BUB1: variants seen among roughly 807,000 people sequenced by gnomAD.
The protein encoded by BUB1 is BUB1 mitotic checkpoint serine/threonine kinase.
Under a neutral mutation model 135.2 loss-of-function variants are expected in BUB1, and 84 were observed. The observed-to-expected ratio is 0.62, with a 90% confidence interval of 0.52 to 0.74. The LOEUF is 0.74. Ranked by LOEUF, BUB1 falls within the 30% of genes least tolerant of loss-of-function variation. The pLI, the probability that BUB1 is intolerant of heterozygous loss-of-function variation, is 0.00. For synonymous variants in BUB1, 403 were observed against 434.4 expected (o/e 0.93, Z 0.90); for missense variants, 1,162 against 1,288.3 (o/e 0.90, Z 1.50).
intron 4 of BUB1, among the ~76,000 whole-genome samples, chr2:110,670,955 CAA>C (rs1315112659): frequency 1.3e-5 from 2 of 152,184 alleles, no homozygotes; most frequent in African/African-American, 4.8e-5. Context: ...AGTGAAAGTA[CAA>C]AAGTACTTAG....
At chr2:110,656,150 T>TA (rs1280214608) in intron 15 of BUB1, among the ~76,000 whole-genome samples, 3 of 152,152 alleles carry the variant, frequency 2.0e-5, no homozygotes, top group African/African-American at 7.2e-5. Flanking sequence ...TATATATATA[T>TA]TTTTTAATTT....
Position 110,657,530 on chromosome 2 carries a change from G to C in BUB1, c.1616+16C>G, listed in dbSNP as rs375377141. ...AAACTCGGCAGCATCCCATTAACTAGATGGTATTTTTTTACCCATAATTTT... is the reference window on the plus strand; with the variant it reads ...AAACTCGGCAGCATCCCATTAACTACATGGTATTTTTTTACCCATAATTTT... On this transcript the variant is annotated intron_variant, in intron 14 of 24. Transcript: ENST00000302759. 1.5e-4 allele frequency: 241 copies of C among 1,574,562 alleles called. No homozygotes were observed. The highest frequency in any genetic ancestry group is 2.2e-4 in the Admixed American group (12 of 55,774).
chr2:110,643,495 C>T (rs1249552153), intron 19 of BUB1, among the ~76,000 whole-genome samples: 2 of 152,142 alleles, frequency 1.3e-5, no homozygotes, highest in Non-Finnish European at 2.9e-5. Context: ...AATCCCATTT[C>T]CTTTTAGCTC....
intron 17 of BUB1, 113 bp downstream of exon 17, chr2:110,653,323 G>C: frequency 9.4e-7 from 1 of 1,061,978 alleles, no homozygotes; most frequent in Non-Finnish European, 1.4e-6. Context: ...GGCCTTTAAG[G>C]CTAAAATTAG....
chr2:110,673,609 G>A (rs1223204125), intron 3 of BUB1, among the ~76,000 whole-genome samples: 1 of 151,438 alleles, frequency 6.6e-6, no homozygotes, highest in Admixed American at 6.6e-5. Flanking sequence ...GGAGCGGGGG[G>A]TGGGGACAGA....
intron 16 of BUB1, 51 bp from the exon 17 acceptor site, chr2:110,653,574 A>AT: frequency 1.4e-6 from 2 of 1,420,378 alleles, no homozygotes; most frequent in Non-Finnish European, 2.0e-6. Context: ...ACATGTGTGC[A>AT]CAACACACAC....
At chr2:110,649,074 T>C (rs1689714701) in intron 19 of BUB1, 160 bp downstream of exon 19, 2 of 595,976 alleles carry the variant, frequency 3.4e-6, no homozygotes, top group Non-Finnish European at 5.4e-6. Context: ...CCTACAATCA[T>C]GGCTTAACAA....
intron 3 of BUB1, among the ~76,000 whole-genome samples, chr2:110,673,436 C>T (rs1016853103): frequency 7.2e-5 from 11 of 152,168 alleles, no homozygotes; most frequent in Non-Finnish European, 1.5e-4. Context: ...TGGCTTGCAA[C>T]TGGCATTGTA....
intron 8 of BUB1, 130 bp downstream of exon 8, chr2:110,667,391 G>T: frequency 9.9e-7 from 1 of 1,009,574 alleles, no homozygotes; most frequent in Non-Finnish European, 1.4e-6. Flanking sequence ...CTGGGCTTCT[G>T]ATAGGATGAG....
chr2:110,644,058 C>CAAAAAAAAAACA (rs1689575404), intron 19 of BUB1, among the ~76,000 whole-genome samples: 1 of 39,690 alleles, frequency 2.5e-5, no homozygotes, highest in Non-Finnish European at 4.3e-5. Context: ...AACTGAAATG[C>CAAAAAAAAAACA]AAAAAAAAAA....
Position 110,653,492 on chromosome 2 carries a change from C to T in BUB1, c.1908G>A (p.Ala636=), listed in dbSNP as rs77633848. The T allele has an allele frequency of 1.1e-5, 17 of 1,613,872 alleles. No homozygotes were observed. In the East Asian group the frequency reaches 2.0e-4, roughly 19 times the overall value. The stretch of plus-strand genomic sequence containing the variant: ...TGTTTTCCTCACAAGAATCCAAAGT[C>T]GCCTGGGTACACTGTTTTGCTACCA... ...ENVVAKQCTQ[A]TLDSCEENMV... is the part of the protein sequence containing the mutation. Residue 636 remains alanine (A), a synonymous_variant, in exon 17 of 25, where the codon GCG becomes GCA. Coordinates refer to ENST00000302759, the MANE Select transcript of BUB1 (RefSeq NM_004336.5).
chr2:110,641,281 A>C (rs1336306396), intron 22 of BUB1, 26 bp downstream of exon 22: 2 of 1,593,092 alleles, frequency 1.3e-6, no homozygotes, highest in Admixed American at 3.5e-5. Context: ...GGAAGAGAAG[A>C]ACCCTGTTAA....
chr2:110,661,506 G>T, intron 10 of BUB1, 76 bp downstream of exon 10: 1 of 1,505,460 alleles, frequency 6.6e-7, no homozygotes, highest in South Asian at 1.3e-5. Context: ...TACTGTTCCT[G>T]ATAATGCAGG....
rs1689399139 is a variant in BUB1, at chr2:110,637,685, GGTCA to G, written c.*275_*278del. ...TCTTGGCCCTTTTTTGGCTTAAACA[GGTCA>G]GTGTTTAAAAAGTGATTTCTAGAGA... On this transcript the variant is annotated 3_prime_UTR_variant, in exon 25 of 25. Coordinates refer to ENST00000302759, the MANE Select transcript of BUB1 (RefSeq NM_004336.5). The G allele has an allele frequency of 4.2e-6, 1 of 235,750 alleles. No homozygotes were observed. Among genetic ancestry groups the G allele is most frequent in the Non-Finnish European group, 8.1e-6 (1 of 124,062 alleles). 14.6% of individuals were successfully genotyped at this position (235,750 alleles called of 1,614,324 possible). A position where few individuals can be genotyped will look rare whatever the true frequency, so the allele number is the denominator to read the frequency against.
chr2:110,650,542 G>A lies in BUB1; in HGVS notation c.2203+4C>T, dbSNP rs373297870. On this transcript the variant is annotated splice_donor_region_variant and intron_variant, in intron 18 of 24. Coordinates refer to ENST00000302759, the MANE Select transcript of BUB1 (RefSeq NM_004336.5). ...AGGGCATAACAAAGAGTGAGTGTTC[G>A]TACTTGGAGCATCAACAGTCCCAAG... The A allele has an allele frequency of 2.9e-4, 471 of 1,611,188 alleles. 1 individual carries two copies. The highest frequency in any genetic ancestry group is 3.8e-4 in the Non-Finnish European group (451 of 1,178,112).
Position 110,650,732 on chromosome 2 carries a change from C to T in BUB1, c.2017G>A (p.Ala673Thr). 6.2e-7 allele frequency: 1 copy of T among 1,614,036 alleles called. No individual in the cohort carries two copies. ...GGCTGGCTCAGACGAAGTAAGGATG[C>T]TGAATACATGTGAGACGACAAGGCC... ...KQALSSHMYS[A>T]SLLRLSQPAA... Residue 673 changes from alanine to threonine, a missense_variant, in exon 18 of 25, where the codon GCA becomes ACA. Physicochemically the swap from Ala to Thr is moderately conservative, Grantham distance 58 (BLOSUM62 0). Coordinates refer to ENST00000302759, the MANE Select transcript of BUB1 (RefSeq NM_004336.5).
intron 24 of BUB1, 65 bp from the exon 25 acceptor site, chr2:110,638,224 C>T: frequency 7.5e-7 from 1 of 1,334,070 alleles, no homozygotes; most frequent in South Asian, 1.5e-5. Flanking sequence ...TAACCCCACC[C>T]CTGCATCTGA....
intron 6 of BUB1, among the ~76,000 whole-genome samples, chr2:110,668,829 G>A (rs1690339104): frequency 6.6e-6 from 1 of 152,218 alleles, no homozygotes; most frequent in Non-Finnish European, 1.5e-5. Context: ...TCTGCTATCT[G>A]TTGAAATAGT....
At chr2:110,649,431 A>C in intron 18 of BUB1, 54 bp from the exon 19 acceptor site, 1 of 1,460,018 alleles carries the variant, frequency 6.8e-7, no homozygotes, top group Non-Finnish European at 9.2e-7. Flanking sequence ...AGTACTCAAG[A>C]ACTTTACCAA....
Sources: gnomAD v4.1 joint callset for allele counts (sites outside exome capture counted in the v4.1 genomes callset) on GRCh38, gnomAD v4.1.1 for gene constraint, MANE v1.5 for transcripts, NCBI Gene and HGNC (gene_info 2026-07-23, HGNC 2026-07-21) for gene names.